ROBO1: variants seen among roughly 807,000 people sequenced by gnomAD.
ROBO1 encodes roundabout homolog 1.
ROBO1 carries 149 observed loss-of-function variants against 195.9 expected under a neutral mutation model. The ratio of observed to expected loss-of-function variants is 0.76; its 90% CI spans 0.67 to 0.87. The LOEUF (loss-of-function observed/expected upper bound fraction) is 0.87. Ranked by LOEUF, ROBO1 falls within the 40% of genes least tolerant of loss-of-function variation. The probability of loss-of-function intolerance (pLI) is 0.00; values close to 1 mark genes in which losing one functional copy is unlikely to be tolerated. For missense variants in ROBO1, 1,933 were observed against 2,068.3 expected (o/e 0.93, Z 1.27); for synonymous variants, 816 against 733.2 (o/e 1.11, Z -1.82).
chr3:79,562,055 C>T (rs1942939387), intron 2 of ROBO1, among the ~76,000 whole-genome samples: 1 of 152,116 alleles, frequency 6.6e-6, no homozygotes. Flanking sequence ...AAGTTTTATA[C>T]ATGTGGCCTT....
chr3:78,809,367 T>C (rs1227903671), intron 4 of ROBO1, among the ~76,000 whole-genome samples: 2 of 152,082 alleles, frequency 1.3e-5, no homozygotes, highest in African/African-American at 4.8e-5. Context: ...TGTGGAGAAA[T>C]AGGAACGCTT....
intron 2 of ROBO1, among the ~76,000 whole-genome samples, chr3:79,215,726 C>G (rs934719190): frequency 1.3e-5 from 2 of 152,166 alleles, no homozygotes; most frequent in Non-Finnish European, 2.9e-5. Context: ...TACAGAGTTC[C>G]TTCCATTCTT....
chr3:79,139,463 CACA>C (rs1423422863), intron 2 of ROBO1, among the ~76,000 whole-genome samples: 2 of 152,058 alleles, frequency 1.3e-5, no homozygotes, highest in African/African-American at 4.8e-5. Context: ...ATCAGTATGA[CACA>C]ACATGTTTTT....
intron 1 of ROBO1, among the ~76,000 whole-genome samples, chr3:79,665,416 A>G (rs891037369): frequency 1.6e-4 from 24 of 151,884 alleles, no homozygotes. Flanking sequence ...ATAAAAACAT[A>G]TATTTTCAGC....
chr3:79,399,578 G>A (rs1367471448), intron 2 of ROBO1, among the ~76,000 whole-genome samples: 1 of 152,046 alleles, frequency 6.6e-6, no homozygotes, highest in Non-Finnish European at 1.5e-5. Flanking sequence ...AATCAAAAGC[G>A]ATCATGCCCA....
At chr3:79,190,724 T>C (rs1467141760) in intron 2 of ROBO1, among the ~76,000 whole-genome samples, 1 of 151,624 alleles carries the variant, frequency 6.6e-6, no homozygotes, top group East Asian at 1.9e-4. Flanking sequence ...ATTATATGAA[T>C]ACATAAAAAT....
intron 1 of ROBO1, among the ~76,000 whole-genome samples, chr3:79,714,413 A>T (rs1702395963): frequency 6.6e-6 from 1 of 152,208 alleles, no homozygotes; most frequent in Admixed American, 6.5e-5. Flanking sequence ...AATGTAAACT[A>T]GTCCAAATAT....
intron 4 of ROBO1, among the ~76,000 whole-genome samples, chr3:78,896,268 GATAGTAACA>G (rs957582008): frequency 6.6e-6 from 1 of 152,078 alleles, no homozygotes; most frequent in Non-Finnish European, 1.5e-5. Context: ...GTAAAATGGA[GATAGTAACA>G]ACACTCAACA....
At chr3:78,722,586 A>C (rs942482985) in intron 5 of ROBO1, among the ~76,000 whole-genome samples, 1 of 152,176 alleles carries the variant, frequency 6.6e-6, no homozygotes, top group Non-Finnish European at 1.5e-5. Flanking sequence ...TGACTAAATA[A>C]GGTCAACTAA....
At chr3:79,346,460 T>C (rs17016885) in intron 2 of ROBO1, among the ~76,000 whole-genome samples, 3,672 of 152,256 alleles carry the variant, frequency 0.024, 96 homozygotes, top group African/African-American at 0.065. Flanking sequence ...GACTCTTGGC[T>C]TCATTTTATA....
chr3:79,434,972 C>A (rs958684141), intron 2 of ROBO1, among the ~76,000 whole-genome samples: 2 of 152,028 alleles, frequency 1.3e-5, no homozygotes, highest in Non-Finnish European at 2.9e-5. Flanking sequence ...GACAAAAAAC[C>A]AAACACCGCA....
chr3:78,994,281 T>C (rs952962665), intron 3 of ROBO1, among the ~76,000 whole-genome samples: 3 of 152,152 alleles, frequency 2.0e-5, no homozygotes, highest in Non-Finnish European at 2.9e-5. Flanking sequence ...AGGAAAGGGC[T>C]GTATCAGATT....
chr3:79,354,471 A>G (rs2035466975), intron 2 of ROBO1, among the ~76,000 whole-genome samples: 1 of 152,148 alleles, frequency 6.6e-6, no homozygotes, highest in Non-Finnish European at 1.5e-5. Context: ...TATCCCTATC[A>G]TTCCACTGGA....
intron 3 of ROBO1, among the ~76,000 whole-genome samples, chr3:79,043,422 A>G (rs1386978142): frequency 1.3e-5 from 2 of 152,078 alleles, no homozygotes; most frequent in African/African-American, 4.8e-5. Context: ...GTTTATTGAA[A>G]CAATCCTTTG....
intron 2 of ROBO1, among the ~76,000 whole-genome samples, chr3:79,546,897 T>C (rs1301799336): frequency 1.3e-5 from 2 of 152,076 alleles, no homozygotes; most frequent in African/African-American, 4.8e-5. Context: ...AATACGGACT[T>C]GAGGCCGGGC....
chr3:79,716,682 G>A (rs1409508162), intron 1 of ROBO1, among the ~76,000 whole-genome samples: 1 of 151,942 alleles, frequency 6.6e-6, no homozygotes, highest in Non-Finnish European at 1.5e-5. Context: ...TACCAACTAT[G>A]TTGGTCCTCA....
At chr3:79,167,419 C>T (rs1018803658) in intron 2 of ROBO1, among the ~76,000 whole-genome samples, 5 of 152,102 alleles carry the variant, frequency 3.3e-5, no homozygotes, top group Admixed American at 3.3e-4. Flanking sequence ...GTATTTTTGT[C>T]ATGAAATCAA....
intron 1 of ROBO1, among the ~76,000 whole-genome samples, chr3:79,615,701 C>A (rs1476824794): frequency 2.6e-5 from 4 of 152,002 alleles, no homozygotes; most frequent in African/African-American, 9.7e-5. Flanking sequence ...GTAGAACAAA[C>A]AAATAGATTA....
chr3:79,022,452 G>C (rs145887708), intron 3 of ROBO1, among the ~76,000 whole-genome samples: 1 of 152,218 alleles, frequency 6.6e-6, no homozygotes, highest in African/African-American at 2.4e-5. Flanking sequence ...TCCTAGAGAT[G>C]GCTGGATCAT....
Sources: allele counts gnomAD v4.1 joint callset (sites outside exome capture counted in the v4.1 genomes callset), GRCh38; gene constraint gnomAD v4.1.1; transcripts MANE v1.5; gene names NCBI Gene and HGNC (gene_info 2026-07-23, HGNC 2026-07-21).